The following WRN variants were observed in gnomAD, a reference collection of about 807,000 sequenced individuals.
WRN encodes the protein bifunctional 3'-5' exonuclease/ATP-dependent helicase WRN.
WRN carries 149 observed loss-of-function variants against 180.7 expected under a neutral mutation model. The ratio of observed to expected loss-of-function variants is 0.82; its 90% CI spans 0.72 to 0.94. The LOEUF is 0.94. WRN is among the 40% of genes least tolerant of loss of function. The probability of loss-of-function intolerance (pLI) is 0.00; values close to 1 mark genes in which losing one functional copy is unlikely to be tolerated. For synonymous variants in WRN, 548 were observed against 568.9 expected, an observed-to-expected ratio of 0.96 and a Z score of 0.52; for missense variants, 1,661 against 1,700.1, an observed-to-expected ratio of 0.98 and a Z score of 0.40.
At chr8:31,110,603 T>C (rs11574281) in intron 18 of WRN, among the ~76,000 whole-genome samples, 130 of 152,308 alleles carry the variant, frequency 8.5e-4, no homozygotes, top group Admixed American at 1.3e-3. Flanking sequence ...AGTGCTTCTT[T>C]GCAAATTGGT....
intron 3 of WRN, among the ~76,000 whole-genome samples, chr8:31,063,835 TG>T (rs1306555681): frequency 1.3e-5 from 2 of 152,220 alleles, no homozygotes; most frequent in African/African-American, 4.8e-5. Flanking sequence ...GTGATCCTCC[TG>T]CCTCAGCTTC....
In WRN at chr8:31,058,466, GA is replaced by G. The variant is rs1812358625; in HGVS notation, c.22del (p.Thr8GlnfsTer12). On this transcript the variant is annotated frameshift_variant, in exon 2 of 35. Coordinates refer to ENST00000298139, the MANE Select transcript of WRN (RefSeq NM_000553.6). LOFTEE classifies it high-confidence loss of function. ...TTCAAAGATGAGTGAAAAAAAATTG[GA>G]AACAACTGCACAGCAGCGGAAATGT... is the stretch of plus-strand genomic sequence containing the variant. MSEKKL[E>X]TTAQQRKCPE... The G allele has an allele frequency of 6.2e-7, 1 of 1,613,470 alleles. No individual in the cohort carries two copies. Among genetic ancestry groups the G allele is most frequent in the African/African-American group, 1.3e-5 (1 of 74,898 alleles).
chr8:31,143,050 C>CACACAT (rs1802711853), intron 27 of WRN, among the ~76,000 whole-genome samples: 4 of 75,676 alleles, frequency 5.3e-5, no homozygotes, highest in Non-Finnish European at 1.1e-4. Flanking sequence ...CACACACACA[C>CACACAT]ACACATTCTC....
intron 34 of WRN, 47 bp from the exon 35 acceptor site, chr8:31,172,948 C>G: frequency 6.3e-7 from 1 of 1,580,932 alleles, no homozygotes. Context: ...AATACCCCTT[C>G]TCAGTAGTAC....
At chr8:31,125,551 T>TATAA (rs1801895245) in intron 23 of WRN, among the ~76,000 whole-genome samples, 1 of 126,266 alleles carries the variant, frequency 7.9e-6, no homozygotes, top group Non-Finnish European at 1.7e-5. Context: ...TATATATATA[T>TATAA]ATATATATAT....
chr8:31,103,644 A>G (rs918602538), intron 18 of WRN, among the ~76,000 whole-genome samples: 3 of 152,164 alleles, frequency 2.0e-5, no homozygotes, highest in Non-Finnish European at 2.9e-5. Context: ...TCACCTGTTG[A>G]AGAACTTTTG....
chr8:31,100,997 A>G, intron 18 of WRN, 42 bp downstream of exon 18: 1 of 1,525,498 alleles, frequency 6.6e-7, no homozygotes, highest in Non-Finnish European at 9.1e-7. Flanking sequence ...TACATTCTTA[A>G]TAAGGAGAGC....
At chr8:31,059,113 T>A in intron 2 of WRN, 40 bp from the exon 3 acceptor site, 1 of 1,392,700 alleles carries the variant, frequency 7.2e-7, no homozygotes, top group African/African-American at 1.4e-5. Flanking sequence ...TGTTATTTGA[T>A]GTGAACTTTG....
At chr8:31,116,203 C>A in intron 19 of WRN, 151 bp from the exon 20 acceptor site, 3 of 758,134 alleles carry the variant, frequency 4.0e-6, no homozygotes, top group Non-Finnish European at 6.2e-6. Flanking sequence ...AATTTTCATG[C>A]ACTTAAATAT....
intron 7 of WRN, among the ~76,000 whole-genome samples, chr8:31,072,925 T>A (rs1393274849): frequency 6.6e-6 from 1 of 152,112 alleles, no homozygotes; most frequent in African/African-American, 2.4e-5. Context: ...GGTGATTGGC[T>A]GGCTCTTTTG....
chr8:31,117,681 C>G (rs1227429259), intron 20 of WRN, among the ~76,000 whole-genome samples: 3 of 152,124 alleles, frequency 2.0e-5, no homozygotes, highest in Non-Finnish European at 4.4e-5. Context: ...TCATCCATTT[C>G]TTCTCTATCC....
At chr8:31,068,805 T>G (rs11574210) in intron 7 of WRN, among the ~76,000 whole-genome samples, 2,799 of 152,326 alleles carry the variant, frequency 0.018, 69 homozygotes, top group African/African-American at 0.064. Context: ...ACATACTGAT[T>G]TACATTTCTA....
chr8:31,048,886 ATC>A (rs1274287218), intron 1 of WRN, among the ~76,000 whole-genome samples: 1 of 152,138 alleles, frequency 6.6e-6, no homozygotes, highest in Middle Eastern at 3.2e-3. Flanking sequence ...TATCCTTGAA[ATC>A]TCTTTTTTAA....
chr8:31,101,195 G>A lies in WRN; in HGVS notation c.2088+240G>A, dbSNP rs998787279. 6.6e-5 allele frequency among the ~76,000 whole-genome samples: 10 copies of A among 152,214 alleles called. 1 individual carries two copies. The South Asian group carries it at 1.7e-3, about 25-fold the overall frequency. ...GATAATAAATATTTCAAGCTTTATA[G>A]GCCACATGTAGTCTGTATCACATAT... On this transcript the variant is annotated intron_variant, in intron 18 of 34. Coordinates refer to ENST00000298139, the MANE Select transcript of WRN (RefSeq NM_000553.6).
chr8:31,109,946 T>A (rs1563356731), intron 18 of WRN, among the ~76,000 whole-genome samples: 1 of 152,216 alleles, frequency 6.6e-6, no homozygotes, highest in Non-Finnish European at 1.5e-5. Flanking sequence ...TTTTCATAAA[T>A]ATATTACCTG....
Position 31,065,059 on chromosome 8 carries a change from A to G in WRN, c.500A>G (p.Lys167Arg), listed in dbSNP as rs1812642614. 1.2e-6 allele frequency: 2 copies of G among 1,612,620 alleles called. No homozygotes were observed. Among genetic ancestry groups the G allele is most frequent in the African/African-American group, 2.7e-5 (2 of 74,914 alleles). ...GTGGAGTTGACAGATGTTGCCAATA[A>G]AAAGGTAAAAGCAATATATATATAA... ...NFVELTDVAN[K>R]KLKCTETWSL... The change falls in exon 5 of 35, where the codon AAA (lysine) becomes AGA (arginine). Residue 167 changes from lysine to arginine, a missense_variant. Lys to Arg is a conservative substitution (Grantham distance 26). Transcript: ENST00000298139.
intron 1 of WRN, among the ~76,000 whole-genome samples, chr8:31,050,119 C>T (rs7833240): frequency 0.1 from 15,463 of 151,954 alleles, 929 homozygotes; most frequent in African/African-American, 0.17. Context: ...AAATATAGAA[C>T]GAACACATGT....
intron 7 of WRN, among the ~76,000 whole-genome samples, chr8:31,073,587 T>G (rs1197793403): frequency 6.6e-6 from 1 of 152,112 alleles, no homozygotes; most frequent in Non-Finnish European, 1.5e-5. Flanking sequence ...AGGTTGGAGA[T>G]GTAATTCAGA....
intron 23 of WRN, among the ~76,000 whole-genome samples, chr8:31,129,092 C>T (rs1802047046): frequency 6.6e-6 from 1 of 152,110 alleles, no homozygotes; most frequent in Admixed American, 6.5e-5. Context: ...ATTCTCTTGC[C>T]TCACCTCAGC....
Sources: gnomAD v4.1 joint callset for allele counts (sites outside exome capture counted in the v4.1 genomes callset) on GRCh38, gnomAD v4.1.1 for gene constraint, MANE v1.5 for transcripts, NCBI Gene and HGNC (gene_info 2026-07-23, HGNC 2026-07-21) for gene names.